Variants in PHACTR3 observed in about 807,000 individuals in gnomAD.
The protein encoded by PHACTR3 is phosphatase and actin regulator 3.
A neutral mutation model predicts 66.8 loss-of-function variants in PHACTR3; 16 were observed. The observed-to-expected ratio is 0.24, with a 90% CI of 0.16 to 0.36. PHACTR3 has a LOEUF of 0.36. PHACTR3 is among the 10% of genes least tolerant of loss of function. PHACTR3 has a pLI of 1.00. For missense variants in PHACTR3, 647 were observed against 719.9 expected, an observed-to-expected ratio of 0.90 and a Z score of 1.16; for synonymous variants, 323 against 292.1, an observed-to-expected ratio of 1.11 and a Z score of -1.08.
At chr20:59,630,426 G>T (rs917290662) in intron 1 of PHACTR3, among the ~76,000 whole-genome samples, 1 of 152,074 alleles carries the variant, frequency 6.6e-6, no homozygotes, top group African/African-American at 2.4e-5. Flanking sequence ...CAGGTGATCC[G>T]CCCGCCTAGG....
At chr20:59,645,813 CAT>C (rs1289172489) in intron 1 of PHACTR3, among the ~76,000 whole-genome samples, 2 of 152,146 alleles carry the variant, frequency 1.3e-5, no homozygotes, top group Non-Finnish European at 2.9e-5. Context: ...TCTCTCCCAG[CAT>C]CTAGCTCAGT....
chr20:59,594,270 T>A (rs1289060877), intron 1 of PHACTR3, among the ~76,000 whole-genome samples: 5 of 152,210 alleles, frequency 3.3e-5, no homozygotes, highest in African/African-American at 1.2e-4. Context: ...TTAACTTCTG[T>A]GTGTTATCCT....
chr20:59,732,072 G>T (rs1248207712), intron 1 of PHACTR3, among the ~76,000 whole-genome samples: 2 of 152,266 alleles, frequency 1.3e-5, no homozygotes, highest in East Asian at 1.9e-4. Context: ...AACTGAATAC[G>T]ATTTCTTCCT....
At chr20:59,768,035 G>A (rs894978283) in intron 5 of PHACTR3, among the ~76,000 whole-genome samples, 1 of 152,214 alleles carries the variant, frequency 6.6e-6, no homozygotes, top group Non-Finnish European at 1.5e-5. Flanking sequence ...TGTCCAGCAA[G>A]GCAGAGCCAG....
rs1017958407 is a variant in PHACTR3, at chr20:59,604,710, T to C, written c.-305T>C. ...AAGTTTTTATTTCCTGGTTCAACTT[T>C]TTTTTTTTTCCCTGGAATATAGACT... On this transcript the variant is annotated 5_prime_UTR_variant, in exon 1 of 13. Coordinates refer to ENST00000371015, the MANE Select transcript of PHACTR3 (RefSeq NM_080672.5). The C allele has an allele frequency of 9.8e-7, 1 of 1,022,438 alleles. No individual in the cohort carries two copies. 63.3% of individuals were successfully genotyped at this position (1,022,438 alleles called of 1,614,324 possible).
intron 12 of PHACTR3, among the ~76,000 whole-genome samples, chr20:59,846,662 G>GTCTT (rs1555859199): frequency 4.4e-4 from 67 of 152,122 alleles, no homozygotes; most frequent in African/African-American, 1.5e-3. Context: ...TTAAAATGTG[G>GTCTT]TATAAAGACC....
chr20:59,737,301 G>C (rs996236633), intron 1 of PHACTR3, among the ~76,000 whole-genome samples: 9 of 152,034 alleles, frequency 5.9e-5, no homozygotes, highest in African/African-American at 2.2e-4. Flanking sequence ...CCTTCCTCGC[G>C]TCTGTGGGGA....
chr20:59,844,994 AG>A (rs1453411260), intron 11 of PHACTR3, 194 bp from the exon 12 acceptor site: 2 of 445,698 alleles, frequency 4.5e-6, no homozygotes, highest in Non-Finnish European at 8.3e-6. Flanking sequence ...CCAGAATATT[AG>A]CTACATACTA....
chr20:59,611,789 C>T (rs6015532), intron 1 of PHACTR3, among the ~76,000 whole-genome samples: 1 of 152,192 alleles, frequency 6.6e-6, no homozygotes, highest in African/African-American at 2.4e-5. Flanking sequence ...TGGAAATCTC[C>T]TAGGGTCCCC....
chr20:59,742,390 C>T (rs1011891391), intron 1 of PHACTR3, among the ~76,000 whole-genome samples: 3 of 152,214 alleles, frequency 2.0e-5, no homozygotes, highest in Non-Finnish European at 4.4e-5. Flanking sequence ...TCACGTGTCC[C>T]AGAGTCTACA....
chr20:59,755,145 A>G, intron 3 of PHACTR3, 37 bp from the exon 4 acceptor site: 1 of 1,591,380 alleles, frequency 6.3e-7, no homozygotes, highest in Non-Finnish European at 8.6e-7. Context: ...GAAGGAAGGG[A>G]GGTGCAGGCC....
intron 1 of PHACTR3, among the ~76,000 whole-genome samples, chr20:59,595,695 C>A (rs752937003): frequency 6.6e-6 from 1 of 152,154 alleles, no homozygotes; most frequent in Non-Finnish European, 1.5e-5. Flanking sequence ...CGGTCACCAA[C>A]TTTAATCATG....
chr20:59,651,875 AGG>A (rs2035472610), intron 1 of PHACTR3, among the ~76,000 whole-genome samples: 3 of 150,800 alleles, frequency 2.0e-5, no homozygotes, highest in East Asian at 2.0e-4. Context: ...GTAGGTAGGT[AGG>A]TAGATAGACG....
At chr20:59,646,018 G>A (rs1000574583) in intron 1 of PHACTR3, among the ~76,000 whole-genome samples, 1 of 152,190 alleles carries the variant, frequency 6.6e-6, no homozygotes, top group Non-Finnish European at 1.5e-5. Context: ...AGGTGGCAAG[G>A]GTTGTAAGCT....
intron 1 of PHACTR3, among the ~76,000 whole-genome samples, chr20:59,670,094 C>T (rs2036140057): frequency 6.6e-6 from 1 of 152,178 alleles, no homozygotes; most frequent in Non-Finnish European, 1.5e-5. Flanking sequence ...CTTGCCATCA[C>T]GGAAGGTCCC....
intron 7 of PHACTR3, among the ~76,000 whole-genome samples, chr20:59,790,493 G>A (rs1448091279): frequency 1.3e-5 from 2 of 152,226 alleles, no homozygotes; most frequent in Non-Finnish European, 2.9e-5. Context: ...GACATTTTCT[G>A]CGGCTTTGGT....
rs200122769 is a variant in PHACTR3 at position 59,696,304 on chromosome 20, C to T, written c.119-46803C>T. On this transcript the variant is annotated intron_variant, in intron 1 of 12. Coordinates refer to ENST00000371015, the MANE Select transcript of PHACTR3 (RefSeq NM_080672.5). ...CAGCAATAGTACAATGACGCTGCCTCCAAGACGAAGTACAGCATTAATTAG... is the reference window on the plus strand; with the variant it reads ...CAGCAATAGTACAATGACGCTGCCTTCAAGACGAAGTACAGCATTAATTAG... Among the ~76,000 whole-genome samples the T allele has an allele frequency of 2.6e-5, 4 of 152,256 alleles. No homozygotes were observed. The East Asian group carries it at 7.7e-4, about 29-fold the overall frequency.
chr20:59,612,020 C>T (rs557665552), intron 1 of PHACTR3, among the ~76,000 whole-genome samples: 83 of 152,236 alleles, frequency 5.5e-4, no homozygotes, highest in African/African-American at 1.9e-3. Flanking sequence ...ATGGCCAAAG[C>T]GTGCCGGAGG....
chr20:59,677,737 G>A (rs1408096311), intron 1 of PHACTR3, among the ~76,000 whole-genome samples: 7 of 152,190 alleles, frequency 4.6e-5, no homozygotes. Context: ...CTTTTGTGGA[G>A]TGTGGTTTGC....
Sources: gnomAD v4.1 joint callset for allele counts (sites outside exome capture counted in the v4.1 genomes callset) on GRCh38, gnomAD v4.1.1 for gene constraint, MANE v1.5 for transcripts, NCBI Gene and HGNC (gene_info 2026-07-23, HGNC 2026-07-21) for gene names.